PCDHGA3: variants seen among roughly 807,000 people sequenced by gnomAD.
The protein encoded by PCDHGA3 is protocadherin gamma-A3.
PCDHGA3 carries 40 observed loss-of-function variants against 58.5 expected under a neutral mutation model. The ratio of observed to expected loss-of-function variants is 0.68; its 90% CI spans 0.53 to 0.89. The LOEUF (loss-of-function observed/expected upper bound fraction) is 0.89. Ranked by LOEUF, PCDHGA3 falls within the 40% of genes least tolerant of loss-of-function variation. The pLI is 0.00. For synonymous variants in PCDHGA3, 530 were observed against 525.7 expected (o/e 1.01, Z -0.11); for missense variants, 1,223 against 1,195.9 (o/e 1.02, Z -0.33).
intron 1 of PCDHGA3, among the ~76,000 whole-genome samples, chr5:141,453,518 C>G (rs1347368114): frequency 6.6e-6 from 1 of 152,114 alleles, no homozygotes; most frequent in African/African-American, 2.4e-5. Context: ...CATTCCTCCC[C>G]TATACCTTCT....
At chr5:141,356,932 G>A (rs1309058064) in intron 1 of PCDHGA3, 1 of 1,614,196 alleles carries the variant, frequency 6.2e-7, no homozygotes, top group African/African-American at 1.3e-5. Flanking sequence ...TGTGGAGCTG[G>A]CACCCCGCTC....
rs559433377 is a variant in PCDHGA3, at chr5:141,432,679, G to A, written c.2425-62128G>A. ...TGCTGGACAGAGACGCGCTCAAGCAGAGCCTCGTAGTGGCCGTCCAGGACC... is the reference window on the plus strand; with the variant it reads ...TGCTGGACAGAGACGCGCTCAAGCAAAGCCTCGTAGTGGCCGTCCAGGACC... On this transcript the variant is annotated intron_variant, in intron 1 of 3. Transcript: ENST00000253812. The surrounding 1 kb of genome is among the most constrained non-coding windows in gnomAD (Gnocchi z 6.0). The A allele has an allele frequency of 2.3e-4, 369 of 1,613,834 alleles. 1 individual carries two copies. The highest frequency in any genetic ancestry group is 1.7e-4 in the Middle Eastern group (1 of 6,056).
intron 1 of PCDHGA3, among the ~76,000 whole-genome samples, chr5:141,455,138 TTAAA>T (rs1193499111): frequency 1.3e-5 from 2 of 151,028 alleles, no homozygotes; most frequent in Admixed American, 1.3e-4. Context: ...TTACACTGTG[TTAAA>T]TAAATATTAG....
intron 1 of PCDHGA3, among the ~76,000 whole-genome samples, chr5:141,452,579 A>G (rs1320327475): frequency 6.6e-6 from 1 of 151,944 alleles, no homozygotes; most frequent in Non-Finnish European, 1.5e-5. Context: ...CCCCCTTTCC[A>G]TCTTTGTATT....
At chr5:141,405,246 A>G (rs1163477660) in intron 1 of PCDHGA3, 10 of 1,614,126 alleles carry the variant, frequency 6.2e-6, no homozygotes, top group Non-Finnish European at 8.5e-6. Flanking sequence ...GACTCAAGGA[A>G]GAGTCACCTG....
At chr5:141,510,132 G>A (rs920772998) in intron 3 of PCDHGA3, among the ~76,000 whole-genome samples, 2 of 152,120 alleles carry the variant, frequency 1.3e-5, no homozygotes, top group African/African-American at 4.8e-5. Context: ...AAATTAGCTG[G>A]GCTAGTGGTG....
chr5:141,383,152 G>A lies in PCDHGA3; in HGVS notation c.2424+36695G>A, dbSNP rs200500982. 5.1e-5 allele frequency: 83 copies of A among 1,614,124 alleles called. No individual in the cohort carries two copies. The African/African-American group carries it at 8.8e-4, about 17-fold the overall frequency. Reference sequence around the variant, plus strand: ...CCTGAACCAGCGCAGCGGCAGCTTGGTCACTGCGGGCAGGATAGACCGGGA... The same window carrying A: ...CCTGAACCAGCGCAGCGGCAGCTTGATCACTGCGGGCAGGATAGACCGGGA... On this transcript the variant is annotated intron_variant, in intron 1 of 3. Coordinates refer to ENST00000253812, the MANE Select transcript of PCDHGA3 (RefSeq NM_018916.4).
At chr5:141,386,251 C>A (rs2090509345) in intron 1 of PCDHGA3, among the ~76,000 whole-genome samples, 2 of 152,070 alleles carry the variant, frequency 1.3e-5, no homozygotes, top group Admixed American at 1.3e-4. Context: ...GGAAATAACC[C>A]AATCTGGGAT....
chr5:141,370,336 G>A, intron 1 of PCDHGA3: 1 of 1,441,770 alleles, frequency 6.9e-7, no homozygotes, highest in Non-Finnish European at 9.4e-7. Flanking sequence ...GAGAACTCTT[G>A]GGATTATTTA....
chr5:141,360,089 G>A (rs1293373069), intron 1 of PCDHGA3: 2 of 1,505,466 alleles, frequency 1.3e-6, no homozygotes, highest in East Asian at 2.4e-5. Context: ...TGCCATCCCC[G>A]GAAGGCTTAT....
At chr5:141,367,223 C>G in intron 1 of PCDHGA3, 1 of 155,444 alleles carries the variant, frequency 6.4e-6, no homozygotes, top group Non-Finnish European at 1.4e-5. Flanking sequence ...TGGAAAGGTA[C>G]AGAGAACTTC....
intron 1 of PCDHGA3, chr5:141,422,556 G>A: frequency 6.2e-7 from 1 of 1,613,908 alleles, no homozygotes; most frequent in Non-Finnish European, 8.5e-7. Flanking sequence ...GGCTGAATGT[G>A]GCAGATGACA....
intron 1 of PCDHGA3, among the ~76,000 whole-genome samples, chr5:141,466,975 A>C (rs769024064): frequency 2.6e-5 from 4 of 151,842 alleles, no homozygotes; most frequent in Non-Finnish European, 5.9e-5. Context: ...CTCACAGCTC[A>C]TCATTTACCT....
chr5:141,372,757 T>G, intron 1 of PCDHGA3: 1 of 1,613,122 alleles, frequency 6.2e-7, no homozygotes, highest in Non-Finnish European at 8.5e-7. Context: ...GCCTCTTGGT[T>G]TGAAAGTAAT....
At chr5:141,380,329 C>G (rs2150159068) in intron 1 of PCDHGA3, among the ~76,000 whole-genome samples, 1 of 152,142 alleles carries the variant, frequency 6.6e-6, no homozygotes, top group Non-Finnish European at 1.5e-5. Flanking sequence ...CTAAATGGAA[C>G]TTCAAAGAAC....
chr5:141,361,259 ACT>A (rs1761949153), intron 1 of PCDHGA3: 5 of 1,613,700 alleles, frequency 3.1e-6, no homozygotes, highest in African/African-American at 2.7e-5. Context: ...AGAGACAGAG[ACT>A]CTGGAGAAAA....
At chr5:141,357,653 C>G (rs1478258336) in intron 1 of PCDHGA3, 1 of 1,607,882 alleles carries the variant, frequency 6.2e-7, no homozygotes, top group South Asian at 1.1e-5. Flanking sequence ...TCATACCACA[C>G]TGAAATATAG....
chr5:141,345,759 G>GA lies in PCDHGA3; in HGVS notation c.1727dup (p.Leu577AlafsTer210). 1 of 1,614,200 alleles carries GA rather than the reference G, an allele frequency of 6.2e-7. No homozygotes were observed. The highest frequency in any genetic ancestry group is 8.5e-7 in the Non-Finnish European group (1 of 1,180,042). On this transcript the variant is annotated frameshift_variant, in exon 1 of 4. Coordinates refer to ENST00000253812, the MANE Select transcript of PCDHGA3 (RefSeq NM_018916.4). LOFTEE classifies it high-confidence loss of function. ...CCCCACAGACGGTTCCACTGGCGTG[G>GA]AGCTGGCGCCTCGCTCCGCAGAGCC...
chr5:141,375,671 C>T (rs781705381), intron 1 of PCDHGA3: 14 of 1,614,148 alleles, frequency 8.7e-6, no homozygotes, highest in South Asian at 7.7e-5. Context: ...AGACCTACAG[C>T]TGTGGGTGAC....
Sources: gnomAD v4.1 joint callset for allele counts (sites outside exome capture counted in the v4.1 genomes callset) on GRCh38, gnomAD v4.1.1 for gene constraint, Gnocchi (gnomAD v3.1) non-coding constraint, MANE v1.5 for transcripts, NCBI Gene and HGNC (gene_info 2026-07-23, HGNC 2026-07-21) for gene names.